The following DLGAP1 variants were observed in gnomAD, a reference collection of about 807,000 sequenced individuals.
DLGAP1 encodes the protein disks large-associated protein 1.
A neutral mutation model predicts 90.8 loss-of-function variants in DLGAP1; 11 were observed. The observed-to-expected ratio is 0.12, with a 90% CI of 0.08 to 0.20. The LOEUF is 0.20. Among genes scored for constraint, DLGAP1 ranks in the 10% least tolerant of loss-of-function variants. The pLI is 1.00. For synonymous variants in DLGAP1, 558 were observed against 540.7 expected (o/e 1.03, Z -0.44); for missense variants, 1,050 against 1,333.8 (o/e 0.79, Z 3.31).
At chr18:3,861,507 A>G (rs2070058191) in intron 4 of DLGAP1, among the ~76,000 whole-genome samples, 1 of 152,166 alleles carries the variant, frequency 6.6e-6, no homozygotes. Flanking sequence ...TGACTTTTAT[A>G]TAATTTCAGG....
At chr18:3,999,638 A>G (rs1295185457) in intron 3 of DLGAP1, among the ~76,000 whole-genome samples, 1 of 152,210 alleles carries the variant, frequency 6.6e-6, no homozygotes, top group East Asian at 1.9e-4. Flanking sequence ...CACATTTAGA[A>G]ACATTTAAAG....
chr18:4,159,833 C>A (rs548962383), intron 1 of DLGAP1, among the ~76,000 whole-genome samples: 1 of 152,274 alleles, frequency 6.6e-6, no homozygotes, highest in East Asian at 1.9e-4. Flanking sequence ...AGTCTCCATT[C>A]TCTTGTTTGT....
chr18:4,198,962 A>G (rs1439341539), intron 1 of DLGAP1, among the ~76,000 whole-genome samples: 1 of 152,206 alleles, frequency 6.6e-6, no homozygotes, highest in African/African-American at 2.4e-5. Flanking sequence ...TAGTGGGTGG[A>G]GGGCCAGCAA....
chr18:4,234,587 A>G (rs116963738), intron 1 of DLGAP1, among the ~76,000 whole-genome samples: 2,592 of 152,266 alleles, frequency 0.017, 30 homozygotes, highest in Non-Finnish European at 0.024. Flanking sequence ...TATTAAATGG[A>G]AAATATTTTA....
intron 5 of DLGAP1, among the ~76,000 whole-genome samples, chr18:3,776,335 T>C (rs8094442): frequency 0.031 from 4,750 of 152,290 alleles, 253 homozygotes; most frequent in African/African-American, 0.11. Context: ...CCAGGGAAAG[T>C]AGTGCTAGCA....
At chr18:4,226,370 C>A (rs568438346) in intron 1 of DLGAP1, among the ~76,000 whole-genome samples, 10 of 151,884 alleles carry the variant, frequency 6.6e-5, no homozygotes, top group Admixed American at 6.6e-4. Context: ...TCAATGGTAA[C>A]GGTAAATGCA....
intron 7 of DLGAP1, among the ~76,000 whole-genome samples, chr18:3,715,896 T>G (rs1415581623): frequency 1.3e-5 from 2 of 152,196 alleles, no homozygotes; most frequent in Non-Finnish European, 2.9e-5. Flanking sequence ...GCAAATTAAC[T>G]GCCTCTGACA....
At chr18:3,629,355 T>A (rs1184842264) in intron 7 of DLGAP1, among the ~76,000 whole-genome samples, 13 of 152,058 alleles carry the variant, frequency 8.5e-5, no homozygotes, top group Admixed American at 8.5e-4. Context: ...AAAGTGAGGC[T>A]CTGTCTACAA....
intron 1 of DLGAP1, among the ~76,000 whole-genome samples, chr18:4,263,774 CA>C (rs1353234727): frequency 6.6e-6 from 1 of 151,606 alleles, no homozygotes; most frequent in Non-Finnish European, 1.5e-5. Flanking sequence ...GCTCTTTGTA[CA>C]TCATCTTTGT....
Position 3,831,194 on chromosome 18 carries a change from C to T in DLGAP1, c.958-16921G>A, listed in dbSNP as rs534657198. ...TGTGGAGATATTTGGGGAAGCAAGG[C>T]CACAACCCCCAGCAGGGTCAACTGA... On this transcript the variant is annotated intron_variant, in intron 4 of 12. Coordinates refer to ENST00000315677, the MANE Select transcript of DLGAP1 (RefSeq NM_004746.4). Among the ~76,000 whole-genome samples the T allele has an allele frequency of 3.3e-3, 507 of 152,234 alleles. 2 individuals carry two copies. The highest frequency in any genetic ancestry group is 5.7e-3 in the Non-Finnish European group (387 of 68,014).
chr18:3,931,808 C>CT (rs1019926745), intron 3 of DLGAP1, among the ~76,000 whole-genome samples: 3 of 152,122 alleles, frequency 2.0e-5, no homozygotes, highest in African/African-American at 7.2e-5. Flanking sequence ...AAGAAGATTA[C>CT]TTTTTGCAAG....
rs189349897 is a variant in DLGAP1 at position 4,173,015 on chromosome 18, T to C, written c.-266-21728A>G. On this transcript the variant is annotated intron_variant, in intron 1 of 12. Coordinates refer to ENST00000315677, the MANE Select transcript of DLGAP1 (RefSeq NM_004746.4). ...TTTTCTTCAACCATTTATTTTGCTA[T>C]GATAGAAGGTTTTCCACAATTTTTT... 2.3e-3 allele frequency among the ~76,000 whole-genome samples: 347 copies of C among 152,372 alleles called. 4 individuals carry two copies. The highest frequency in any genetic ancestry group is 6.8e-3 in the African/African-American group (281 of 41,594).
intron 3 of DLGAP1, among the ~76,000 whole-genome samples, chr18:3,925,596 T>C (rs1178944402): frequency 6.6e-6 from 1 of 152,130 alleles, no homozygotes; most frequent in Non-Finnish European, 1.5e-5. Context: ...TGAAAGTTTA[T>C]CCAGAAAATC....
chr18:4,386,940 G>C (rs1359335644), intron 1 of DLGAP1, among the ~76,000 whole-genome samples: 1 of 152,116 alleles, frequency 6.6e-6, no homozygotes, highest in East Asian at 1.9e-4. Context: ...ATGACTGTTT[G>C]GGGTGAAAGA....
intron 1 of DLGAP1, among the ~76,000 whole-genome samples, chr18:4,370,322 A>C (rs1033512900): frequency 6.6e-6 from 1 of 152,228 alleles, no homozygotes; most frequent in Non-Finnish European, 1.5e-5. Context: ...TTCCTGTGGA[A>C]CATTCTGACG....
chr18:3,847,963 T>C (rs930556119), intron 4 of DLGAP1, among the ~76,000 whole-genome samples: 19 of 151,554 alleles, frequency 1.3e-4, no homozygotes, highest in Non-Finnish European at 1.5e-5. Context: ...ACCCTGTCTC[T>C]ACAGAAAATA....
intron 4 of DLGAP1, among the ~76,000 whole-genome samples, chr18:3,825,853 A>G (rs1598897594): frequency 6.6e-6 from 1 of 152,220 alleles, no homozygotes; most frequent in East Asian, 1.9e-4. Flanking sequence ...ATTAAACTAT[A>G]CTAAAGTCAT....
chr18:3,572,606 T>C (rs1163953826), intron 8 of DLGAP1, among the ~76,000 whole-genome samples: 2 of 152,294 alleles, frequency 1.3e-5, no homozygotes, highest in Admixed American at 6.5e-5. Flanking sequence ...TGTGCCATCA[T>C]GCCTGGCTAA....
chr18:4,265,398 T>C (rs1381522102), intron 1 of DLGAP1, among the ~76,000 whole-genome samples: 1 of 151,894 alleles, frequency 6.6e-6, no homozygotes, highest in Non-Finnish European at 1.5e-5. Flanking sequence ...CTCAACCTCC[T>C]GACCTTGTGA....
Sources: gnomAD v4.1 joint callset for allele counts (sites outside exome capture counted in the v4.1 genomes callset) on GRCh38, gnomAD v4.1.1 for gene constraint, MANE v1.5 for transcripts, NCBI Gene and HGNC (gene_info 2026-07-23, HGNC 2026-07-21) for gene names.